The following CA10 variants were observed in gnomAD, a reference collection of about 807,000 sequenced individuals.
The protein encoded by CA10 is carbonic anhydrase 10 (inactive).
CA10 carries 14 observed loss-of-function variants against 44.2 expected under a neutral mutation model. The ratio of observed to expected loss-of-function variants is 0.32; its 90% CI spans 0.21 to 0.50. The LOEUF is 0.50. Ranked by LOEUF, CA10 falls within the 20% of genes least tolerant of loss-of-function variation. The pLI is 0.99. For synonymous variants in CA10, 159 were observed against 141.6 expected, an observed-to-expected ratio of 1.12 and a Z score of -0.87; for missense variants, 350 against 409.7, an observed-to-expected ratio of 0.85 and a Z score of 1.26.
chr17:51,991,400 A>ACC (rs1273275154), intron 2 of CA10, among the ~76,000 whole-genome samples: 3 of 152,086 alleles, frequency 2.0e-5, no homozygotes, highest in African/African-American at 7.2e-5. Flanking sequence ...GTATGCAATG[A>ACC]CCCCTGTATT....
At chr17:51,905,526 C>CTTTTT (rs34606778) in intron 3 of CA10, among the ~76,000 whole-genome samples, 7 of 99,810 alleles carry the variant, frequency 7.0e-5, no homozygotes, top group African/African-American at 1.0e-4. Flanking sequence ...CCTATCAGTC[C>CTTTTT]TTTTTTTTTT....
At chr17:51,820,189 C>A (rs1175249276) in intron 3 of CA10, among the ~76,000 whole-genome samples, 28 of 127,188 alleles carry the variant, frequency 2.2e-4, no homozygotes, top group African/African-American at 5.9e-4. Context: ...AGCGCCGCCC[C>A]CCCCCCCCCA....
At chr17:51,837,704 T>A (rs1342244572) in intron 3 of CA10, among the ~76,000 whole-genome samples, 1 of 152,242 alleles carries the variant, frequency 6.6e-6, no homozygotes, top group African/African-American at 2.4e-5. Context: ...ATTTTATATA[T>A]GCCAAGTATA....
chr17:51,927,469 G>A (rs1567888387), intron 3 of CA10, among the ~76,000 whole-genome samples: 1 of 152,020 alleles, frequency 6.6e-6, no homozygotes, highest in South Asian at 2.1e-4. Context: ...CTAAACTCAC[G>A]ACCTTTCAAT....
At chr17:52,156,440 T>C (rs763665319) in intron 1 of CA10, among the ~76,000 whole-genome samples, 1 of 152,156 alleles carries the variant, frequency 6.6e-6, no homozygotes, top group African/African-American at 2.4e-5. Flanking sequence ...AATTTCTTAA[T>C]AGGGTAGCCA....
intron 4 of CA10, among the ~76,000 whole-genome samples, chr17:51,696,687 T>TAACA (rs1915414171): frequency 6.6e-6 from 1 of 152,206 alleles, no homozygotes. Context: ...ATTGTTAATC[T>TAACA]GAGATCTTTC....
intron 2 of CA10, among the ~76,000 whole-genome samples, chr17:51,958,365 A>C (rs563144759): frequency 6.6e-6 from 1 of 152,218 alleles, no homozygotes; most frequent in East Asian, 1.9e-4. Context: ...TGAGTGGGTA[A>C]GTGAGGCTAT....
chr17:51,840,633 G>A (rs1453792541), intron 3 of CA10, among the ~76,000 whole-genome samples: 1 of 152,106 alleles, frequency 6.6e-6, no homozygotes, highest in Non-Finnish European at 1.5e-5. Context: ...CTTAGCTTGA[G>A]GATGGGAAGG....
chr17:51,801,095 C>T (rs1339352605), intron 3 of CA10, among the ~76,000 whole-genome samples: 1 of 152,186 alleles, frequency 6.6e-6, no homozygotes, highest in Non-Finnish European at 1.5e-5. Flanking sequence ...GCCTCCCAAA[C>T]CCTTCAAGCA....
At chr17:52,150,970 T>C (rs142911544) in intron 1 of CA10, among the ~76,000 whole-genome samples, 3 of 152,286 alleles carry the variant, frequency 2.0e-5, no homozygotes, top group African/African-American at 7.2e-5. Context: ...TGTCCCATAA[T>C]GGGCAAATTG....
At chr17:51,898,638 TA>T (rs1169103470) in intron 3 of CA10, among the ~76,000 whole-genome samples, 4 of 152,030 alleles carry the variant, frequency 2.6e-5, no homozygotes, top group Non-Finnish European at 5.9e-5. Flanking sequence ...GCCAGCTCTT[TA>T]ACACATCTGG....
At chr17:51,665,530 C>T (rs748855884) in intron 4 of CA10, among the ~76,000 whole-genome samples, 3 of 152,184 alleles carry the variant, frequency 2.0e-5, no homozygotes, top group Non-Finnish European at 4.4e-5. Flanking sequence ...GTTATAGTCA[C>T]ATGTTGCTTA....
chr17:52,067,618 C>A (rs780271708), intron 2 of CA10, among the ~76,000 whole-genome samples: 1 of 152,218 alleles, frequency 6.6e-6, no homozygotes, highest in African/African-American at 2.4e-5. Context: ...TTGCAACATG[C>A]ACCTGGCAAA....
chr17:52,143,794 C>T (rs1989529855), intron 1 of CA10, among the ~76,000 whole-genome samples: 1 of 152,076 alleles, frequency 6.6e-6, no homozygotes, highest in Non-Finnish European at 1.5e-5. Context: ...CAGCCTCTAC[C>T]AACGAGCTTG....
intron 3 of CA10, among the ~76,000 whole-genome samples, chr17:51,850,078 G>C (rs1333131763): frequency 6.6e-6 from 1 of 152,194 alleles, no homozygotes; most frequent in Non-Finnish European, 1.5e-5. Context: ...AATTGGGGCT[G>C]TGTCATGAAA....
intron 1 of CA10, among the ~76,000 whole-genome samples, chr17:52,075,035 G>A (rs1485461602): frequency 6.6e-6 from 1 of 152,088 alleles, no homozygotes; most frequent in African/African-American, 2.4e-5. Context: ...GAATAGTTAT[G>A]ACAGAGACCA....
intron 2 of CA10, among the ~76,000 whole-genome samples, chr17:51,979,727 C>A (rs990369845): frequency 9.2e-5 from 14 of 152,046 alleles, no homozygotes; most frequent in Admixed American, 5.9e-4. Context: ...GGACGGCAGG[C>A]CTTATTTGTT....
intron 3 of CA10, among the ~76,000 whole-genome samples, chr17:51,763,728 CT>C (rs1905278188): frequency 6.6e-6 from 1 of 151,854 alleles, no homozygotes; most frequent in Non-Finnish European, 1.5e-5. Flanking sequence ...TCATGAGTTC[CT>C]TTCAGTTGCT....
intron 2 of CA10, among the ~76,000 whole-genome samples, chr17:51,938,264 G>C (rs1982941770): frequency 6.6e-6 from 1 of 152,064 alleles, no homozygotes; most frequent in South Asian, 2.1e-4. Context: ...TAAAACATTG[G>C]AGAAGGGGTT....
Sources: gnomAD v4.1 joint callset for allele counts (sites outside exome capture counted in the v4.1 genomes callset) on GRCh38, gnomAD v4.1.1 for gene constraint, MANE v1.5 for transcripts, NCBI Gene and HGNC (gene_info 2026-07-23, HGNC 2026-07-21) for gene names.